Variants in CSMD1 observed in about 807,000 individuals in gnomAD.
The protein encoded by CSMD1 is CUB and sushi domain-containing protein 1.
Under a neutral mutation model 417.5 loss-of-function variants are expected in CSMD1, and 213 were observed. The observed-to-expected ratio is 0.51, with a 90% CI of 0.46 to 0.57. The LOEUF is 0.57. Ranked by LOEUF, CSMD1 falls within the 20% of genes least tolerant of loss-of-function variation. The probability of loss-of-function intolerance (pLI) is 0.00; values close to 1 mark genes in which losing one functional copy is unlikely to be tolerated. For missense variants in CSMD1, 6,923 were observed against 4,529.7 expected (o/e 1.53, Z -15.17); for synonymous variants, 2,862 against 1,736.8 (o/e 1.65, Z -16.11).
chr8:4,770,155 T>C (rs552702957), intron 1 of CSMD1, among the ~76,000 whole-genome samples: 1 of 151,006 alleles, frequency 6.6e-6, no homozygotes, highest in East Asian at 1.9e-4. Flanking sequence ...AACATACAGA[T>C]TCAATACATA....
chr8:4,770,723 TG>T (rs869206186), intron 1 of CSMD1, among the ~76,000 whole-genome samples: 1 of 125,152 alleles, frequency 8.0e-6, no homozygotes, highest in Admixed American at 1.0e-4. Context: ...AGAATAATCT[TG>T]TCAAAAAATG....
chr8:4,123,348 G>A (rs1283336717), intron 3 of CSMD1, among the ~76,000 whole-genome samples: 3 of 152,176 alleles, frequency 2.0e-5, no homozygotes, highest in African/African-American at 7.2e-5. Flanking sequence ...GGCTCAGTGG[G>A]AGCCTCACCC....
intron 3 of CSMD1, among the ~76,000 whole-genome samples, chr8:4,372,352 G>A (rs1465328169): frequency 6.6e-6 from 1 of 152,180 alleles, no homozygotes; most frequent in East Asian, 1.9e-4. Context: ...GGAACGCTTA[G>A]TGTTTCCTTC....
At chr8:3,550,051 T>C (rs568509209) in intron 10 of CSMD1, among the ~76,000 whole-genome samples, 60 of 152,216 alleles carry the variant, frequency 3.9e-4, no homozygotes, top group Non-Finnish European at 7.5e-4. Context: ...TTGTTTCATA[T>C]TGAAAATCAT....
At chr8:3,845,327 G>C (rs1160536057) in intron 5 of CSMD1, among the ~76,000 whole-genome samples, 1 of 152,132 alleles carries the variant, frequency 6.6e-6, no homozygotes. Flanking sequence ...ACACACTGAG[G>C]CTCTACGATA....
intron 1 of CSMD1, among the ~76,000 whole-genome samples, chr8:4,877,735 G>A (rs1803137829): frequency 6.6e-6 from 1 of 152,090 alleles, no homozygotes; most frequent in African/African-American, 2.4e-5. Flanking sequence ...GACAGACTAT[G>A]TGTTTGCACT....
intron 11 of CSMD1, among the ~76,000 whole-genome samples, chr8:3,487,568 G>C (rs1053280816): frequency 2.6e-5 from 4 of 152,110 alleles, no homozygotes; most frequent in Admixed American, 1.3e-4. Context: ...GTCACAAGGA[G>C]GGTATTCTAC....
chr8:3,747,937 C>G (rs1797140260), intron 6 of CSMD1, among the ~76,000 whole-genome samples: 1 of 152,088 alleles, frequency 6.6e-6, no homozygotes, highest in African/African-American at 2.4e-5. Context: ...AGAAAAAACC[C>G]TTGTCCCACT....
chr8:2,960,350 T>G (rs10113658), intron 62 of CSMD1, among the ~76,000 whole-genome samples: 2,821 of 152,266 alleles, frequency 0.019, 91 homozygotes, highest in African/African-American at 0.065. Context: ...GCGAGAACAA[T>G]GGGAATATTT....
intron 3 of CSMD1, among the ~76,000 whole-genome samples, chr8:4,131,720 AG>A (rs1474509079): frequency 2.7e-5 from 4 of 147,656 alleles, no homozygotes; most frequent in Non-Finnish European, 4.5e-5. Context: ...AGAACAATGC[AG>A]TTGTTATCAA....
chr8:3,240,558 A>G (rs930164660), intron 26 of CSMD1, among the ~76,000 whole-genome samples: 8 of 151,900 alleles, frequency 5.3e-5, no homozygotes, highest in African/African-American at 9.7e-5. Flanking sequence ...CTTGACTGAA[A>G]TAATGGGGGC....
At chr8:4,169,948 C>G (rs1056732502) in intron 3 of CSMD1, among the ~76,000 whole-genome samples, 1 of 149,822 alleles carries the variant, frequency 6.7e-6, no homozygotes, top group African/African-American at 2.6e-5. Context: ...TTTTGGCTTG[C>G]GTGTGTGTTT....
chr8:4,020,423 CT>C (rs1473509821), intron 4 of CSMD1, among the ~76,000 whole-genome samples: 1 of 152,308 alleles, frequency 6.6e-6, no homozygotes, highest in East Asian at 1.9e-4. Flanking sequence ...AAAATATTTA[CT>C]TTTTCTATGC....
intron 26 of CSMD1, among the ~76,000 whole-genome samples, chr8:3,237,269 C>T (rs1178460031): frequency 6.6e-6 from 1 of 151,238 alleles, no homozygotes; most frequent in Non-Finnish European, 1.5e-5. Context: ...AGTTCGAGAC[C>T]AGTCTGACCA....
At chr8:4,140,555 C>G (rs1205650298) in intron 3 of CSMD1, among the ~76,000 whole-genome samples, 2 of 150,914 alleles carry the variant, frequency 1.3e-5, no homozygotes, top group Admixed American at 1.3e-4. Context: ...GTAGTCTCAG[C>G]TACTAGGGAG....
chr8:4,969,692 G>T (rs1456143228), intron 1 of CSMD1, among the ~76,000 whole-genome samples: 1 of 151,996 alleles, frequency 6.6e-6, no homozygotes, highest in East Asian at 1.9e-4. Context: ...TGGGGACTTG[G>T]AGGGAAGATT....
At chr8:3,853,813 T>C (rs571380174) in intron 5 of CSMD1, among the ~76,000 whole-genome samples, 1 of 150,936 alleles carries the variant, frequency 6.6e-6, no homozygotes, top group South Asian at 2.1e-4. Context: ...GGCACATGTA[T>C]ACATATGTAA....
chr8:4,886,187 C>T (rs1194872534), intron 1 of CSMD1, among the ~76,000 whole-genome samples: 4 of 151,972 alleles, frequency 2.6e-5, no homozygotes, highest in Non-Finnish European at 5.9e-5. Flanking sequence ...GATCAGGTTT[C>T]ACCATGTTGG....
intron 9 of CSMD1, 147 bp from the exon 10 acceptor site, chr8:3,575,213 T>C: frequency 1.2e-6 from 1 of 830,850 alleles, no homozygotes; most frequent in East Asian, 2.7e-5. Context: ...AACTGGGGCA[T>C]GGACTCCAGT....
Sources: allele counts gnomAD v4.1 joint callset (sites outside exome capture counted in the v4.1 genomes callset), GRCh38; gene constraint gnomAD v4.1.1; transcripts MANE v1.5; gene names NCBI Gene and HGNC (gene_info 2026-07-23, HGNC 2026-07-21).